The following ADGRL2 variants were observed in gnomAD, a reference collection of about 807,000 sequenced individuals.
The protein encoded by ADGRL2 is adhesion G protein-coupled receptor L2.
In ADGRL2, 44 loss-of-function variants were observed where a neutral mutation model predicts 157.4. That is an observed-to-expected ratio of 0.28 (90% confidence interval 0.22 to 0.36). ADGRL2 has a LOEUF of 0.36. Ranked by LOEUF, ADGRL2 falls within the 10% of genes least tolerant of loss-of-function variation. The probability of loss-of-function intolerance (pLI) is 1.00; values close to 1 mark genes in which losing one functional copy is unlikely to be tolerated. For missense variants in ADGRL2, 1,510 were observed against 1,768.9 expected, an observed-to-expected ratio of 0.85 and a Z score of 2.63; for synonymous variants, 585 against 624.7, an observed-to-expected ratio of 0.94 and a Z score of 0.95.
chr1:81,970,823 A>T (rs1658514331), intron 16 of ADGRL2, among the ~76,000 whole-genome samples: 2 of 152,208 alleles, frequency 1.3e-5, no homozygotes, highest in Admixed American at 1.3e-4. Context: ...GAAAGATATT[A>T]AGTAAAAATT....
chr1:81,310,240 A>G (rs1017813518), intron 1 of ADGRL2, among the ~76,000 whole-genome samples: 3 of 152,204 alleles, frequency 2.0e-5, no homozygotes, highest in African/African-American at 7.2e-5. Context: ...AGAACTGAGT[A>G]AGAACAGGTC....
intron 1 of ADGRL2, among the ~76,000 whole-genome samples, chr1:81,412,582 T>A (rs912590713): frequency 1.3e-5 from 2 of 152,182 alleles, no homozygotes; most frequent in African/African-American, 4.8e-5. Flanking sequence ...CTAAGCTCGC[T>A]GGGGGAAGAG....
intron 1 of ADGRL2, among the ~76,000 whole-genome samples, chr1:81,350,970 A>C (rs1390533648): frequency 6.6e-6 from 1 of 152,186 alleles, no homozygotes; most frequent in Non-Finnish European, 1.5e-5. Flanking sequence ...TTCATGAATA[A>C]ATGCAAACTT....
rs1483612560 is a variant in ADGRL2 at position 81,426,861 on chromosome 1, T to C, written c.-301-18175T>C. The C allele has an allele frequency of 6.6e-6, 4 of 601,856 alleles. No individual in the cohort carries two copies. In the African/African-American group the frequency reaches 7.4e-5, roughly 11 times the overall value. The allele number at this position is 601,856 out of a possible 1,614,324, so 37.3% of individuals were successfully genotyped here. A position where few individuals can be genotyped will look rare whatever the true frequency, so the allele number is the denominator to read the frequency against. The stretch of plus-strand genomic sequence containing the variant: ...ATTTCCTTGGTGGTATTAAAGAAGA[T>C]ACAGAAGAATATAATTTGAGACTAC... On this transcript the variant is annotated intron_variant, in intron 1 of 24. Transcript: ENST00000370721.
chr1:81,946,838 A>T (rs1426853247), intron 6 of ADGRL2, among the ~76,000 whole-genome samples: 4 of 152,158 alleles, frequency 2.6e-5, no homozygotes, highest in Admixed American at 1.3e-4. Flanking sequence ...GAAACTCTAG[A>T]GTTCATTTCG....
intron 1 of ADGRL2, among the ~76,000 whole-genome samples, chr1:81,397,820 T>A (rs2076684045): frequency 6.6e-6 from 1 of 152,210 alleles, no homozygotes; most frequent in African/African-American, 2.4e-5. Flanking sequence ...AAATGTCTGG[T>A]ATTAGGTACA....
At chr1:81,399,219 G>A (rs1365501068) in intron 1 of ADGRL2, among the ~76,000 whole-genome samples, 1 of 152,088 alleles carries the variant, frequency 6.6e-6, no homozygotes, top group African/African-American at 2.4e-5. Context: ...GACAACAAGG[G>A]GGAAATCCAC....
intron 2 of ADGRL2, among the ~76,000 whole-genome samples, chr1:81,903,212 C>T (rs1483367829): frequency 6.6e-6 from 1 of 152,090 alleles, no homozygotes; most frequent in Non-Finnish European, 1.5e-5. Flanking sequence ...CCATGTGTAC[C>T]TACAGTATAG....
intron 1 of ADGRL2, among the ~76,000 whole-genome samples, chr1:81,397,027 C>A (rs538531678): frequency 2.6e-5 from 4 of 152,202 alleles, no homozygotes; most frequent in African/African-American, 9.6e-5. Context: ...CTTCAGTTTT[C>A]TGAAAAGGTT....
intron 1 of ADGRL2, among the ~76,000 whole-genome samples, chr1:81,428,590 G>A (rs2077262724): frequency 6.6e-6 from 1 of 152,164 alleles, no homozygotes; most frequent in Admixed American, 6.5e-5. Context: ...AGAGAGGGAA[G>A]TGGGGGATGC....
intron 1 of ADGRL2, chr1:81,723,109 G>A (rs2084390941): frequency 7.3e-6 from 5 of 683,156 alleles, no homozygotes; most frequent in South Asian, 4.6e-5. Flanking sequence ...TGAAGGAAAA[G>A]CAACCTAGAT....
intron 1 of ADGRL2, among the ~76,000 whole-genome samples, chr1:81,760,956 A>G (rs2085861738): frequency 1.3e-5 from 2 of 151,946 alleles, no homozygotes; most frequent in South Asian, 4.1e-4. Context: ...CTGAATCATT[A>G]CAAAATTTGA....
At chr1:81,437,734 T>C (rs1299876331) in intron 1 of ADGRL2, among the ~76,000 whole-genome samples, 2 of 152,216 alleles carry the variant, frequency 1.3e-5, no homozygotes, top group African/African-American at 4.8e-5. Flanking sequence ...GTCTGAGAGC[T>C]TAAGCTGTTT....
intron 2 of ADGRL2, among the ~76,000 whole-genome samples, chr1:81,779,043 T>C (rs541091258): frequency 6.6e-6 from 1 of 152,332 alleles, no homozygotes; most frequent in African/African-American, 2.4e-5. Context: ...CCCTTTATTT[T>C]GTCTTTCAAT....
chr1:81,972,911 T>TAAAA (rs11440202), intron 17 of ADGRL2, among the ~76,000 whole-genome samples: 117 of 128,776 alleles, frequency 9.1e-4, no homozygotes, highest in African/African-American at 1.0e-3. Context: ...GACCCTGTCT[T>TAAAA]AAAAAAAAAA....
At chr1:81,576,679 G>T (rs2080804139) in intron 2 of ADGRL2, among the ~76,000 whole-genome samples, 1 of 152,050 alleles carries the variant, frequency 6.6e-6, no homozygotes, top group Non-Finnish European at 1.5e-5. Flanking sequence ...TAAGTGTTCT[G>T]CAGCTTGCAA....
intron 2 of ADGRL2, chr1:81,502,737 A>G: frequency 6.2e-7 from 1 of 1,613,846 alleles, no homozygotes; most frequent in East Asian, 2.2e-5. Flanking sequence ...AGCTCCAGGC[A>G]GCAATTGATG....
chr1:81,499,598 C>A lies in ADGRL2; in HGVS notation c.-248+54509C>A, dbSNP rs577110758. Among the ~76,000 whole-genome samples the A allele has an allele frequency of 6.6e-5, 10 of 152,298 alleles. No homozygotes were observed. The East Asian group carries it at 1.9e-3, about 29-fold the overall frequency. Reference sequence around the variant, plus strand: ...CCTAGAATCTATGCCCTTGTGAGAACCCCACAGGCAGGAAGCATCTGTATT... The same window carrying A: ...CCTAGAATCTATGCCCTTGTGAGAAACCCACAGGCAGGAAGCATCTGTATT... On this transcript the variant is annotated intron_variant, in intron 2 of 24. Transcript: ENST00000370721.
At chr1:81,787,108 A>C (rs1403151969) in intron 2 of ADGRL2, among the ~76,000 whole-genome samples, 2 of 152,138 alleles carry the variant, frequency 1.3e-5, no homozygotes, top group Non-Finnish European at 2.9e-5. Context: ...CCATGTAAGA[A>C]GTGCCTTTCA....
Sources: gnomAD v4.1 joint callset for allele counts (sites outside exome capture counted in the v4.1 genomes callset) on GRCh38, gnomAD v4.1.1 for gene constraint, MANE v1.5 for transcripts, NCBI Gene and HGNC (gene_info 2026-07-23, HGNC 2026-07-21) for gene names.